ZC3H6: variants seen among roughly 807,000 people sequenced by gnomAD.
The protein encoded by ZC3H6 is zinc finger CCCH domain-containing protein 6.
A neutral mutation model predicts 107.7 loss-of-function variants in ZC3H6; 40 were observed. The ratio of observed to expected loss-of-function variants is 0.37; its 90% CI spans 0.29 to 0.48. ZC3H6 has a LOEUF of 0.48. Ranked by LOEUF, ZC3H6 falls within the 20% of genes least tolerant of loss-of-function variation. The pLI, the probability that ZC3H6 is intolerant of heterozygous loss-of-function variation, is 0.98. For missense variants in ZC3H6, 1,267 were observed against 1,410.4 expected (o/e 0.90, Z 1.63); for synonymous variants, 493 against 487.9 (o/e 1.01, Z -0.14).
At chr2:112,316,441 T>G in intron 5 of ZC3H6, 29 bp from the exon 6 acceptor site, 1 of 1,353,128 alleles carries the variant, frequency 7.4e-7, no homozygotes, top group Non-Finnish European at 1.0e-6. Flanking sequence ...TTTCATATGC[T>G]GCATTCAAAT....
At chr2:112,326,228 T>C (rs1020251637) in intron 11 of ZC3H6, among the ~76,000 whole-genome samples, 3 of 152,060 alleles carry the variant, frequency 2.0e-5, no homozygotes, top group African/African-American at 7.2e-5. Flanking sequence ...AGGTATACTC[T>C]TTTAGTTTTT....
chr2:112,294,416 C>G (rs540227911), intron 1 of ZC3H6, among the ~76,000 whole-genome samples: 4 of 152,336 alleles, frequency 2.6e-5, no homozygotes, highest in African/African-American at 9.6e-5. Context: ...TGCTCCTGGA[C>G]TGCAAAGAAA....
At chr2:112,286,244 C>CAGG (rs1364463551) in intron 1 of ZC3H6, 1 of 369,970 alleles carries the variant, frequency 2.7e-6, no homozygotes, top group Non-Finnish European at 5.2e-6. Flanking sequence ...TGCATAGGTC[C>CAGG]AGGGAATCAA....
At chr2:112,322,568 C>G in intron 8 of ZC3H6, 81 bp from the exon 9 acceptor site, 1 of 1,426,098 alleles carries the variant, frequency 7.0e-7, no homozygotes, top group South Asian at 1.4e-5. Flanking sequence ...TATTTTTCTA[C>G]TAACCAAACT....
intron 4 of ZC3H6, among the ~76,000 whole-genome samples, chr2:112,311,341 T>G (rs1474537286): frequency 6.6e-6 from 1 of 152,160 alleles, no homozygotes; most frequent in Admixed American, 6.5e-5. Context: ...TTTACATACT[T>G]TTAAATACCA....
At chr2:112,303,480 A>G (rs1284556813) in intron 3 of ZC3H6, 129 bp downstream of exon 3, 32 of 624,838 alleles carry the variant, frequency 5.1e-5, no homozygotes, top group Non-Finnish European at 8.2e-5. Flanking sequence ...CCACTTATCC[A>G]TTTCTAGAAA....
At position 112,332,649 on chromosome 2, in the gene ZC3H6, G is replaced by T; in HGVS notation, c.*161G>T. The T allele has an allele frequency of 1.8e-6, 1 of 568,486 alleles. No individual in the cohort carries two copies. The highest frequency in any genetic ancestry group is 1.9e-5 in the African/African-American group (1 of 51,926). 35.2% of individuals were successfully genotyped at this position (568,486 alleles called of 1,614,324 possible). ...GAAGTTATAGCCTCTAAAGCCTGTG[G>T]TATTTTATATAATATTTTTATAACT... On this transcript the variant is annotated 3_prime_UTR_variant, in exon 12 of 12. Coordinates refer to ENST00000409871, the MANE Select transcript of ZC3H6 (RefSeq NM_198581.3).
chr2:112,303,313 A>C lies in ZC3H6; in HGVS notation c.298A>C (p.Thr100Pro), dbSNP rs1473424592. 2 of 1,613,296 alleles carry C rather than the reference A, an allele frequency of 1.2e-6. No homozygotes were observed. Among genetic ancestry groups the C allele is most frequent in the African/African-American group, 2.7e-5 (2 of 74,878 alleles). ...EHTESSHKKR[T>P]GFYRDYDIPF... The stretch of plus-strand genomic sequence containing the variant: ...TACAGAAAGTTCCCATAAAAAAAGA[A>C]CTGGTTTCTACAGGGATTATGACAT... Residue 100 changes from threonine (T) to proline (P), a missense_variant, in exon 3 of 12, where the codon ACT becomes CCT. Thr to Pro is a conservative substitution (Grantham distance 38). Coordinates refer to ENST00000409871, the MANE Select transcript of ZC3H6 (RefSeq NM_198581.3).
At chr2:112,286,725 C>G (rs1435865487) in intron 1 of ZC3H6, among the ~76,000 whole-genome samples, 1 of 152,216 alleles carries the variant, frequency 6.6e-6, no homozygotes, top group Non-Finnish European at 1.5e-5. Context: ...AGGCATGACA[C>G]TGTGCCTGGA....
intron 3 of ZC3H6, among the ~76,000 whole-genome samples, chr2:112,306,779 A>C (rs974037461): frequency 6.6e-6 from 1 of 152,140 alleles, no homozygotes; most frequent in Non-Finnish European, 1.5e-5. Context: ...ATAATTGAGG[A>C]TGGGGTTTAC....
At chr2:112,323,722 CT>C (rs915513721) in intron 9 of ZC3H6, among the ~76,000 whole-genome samples, 1 of 152,088 alleles carries the variant, frequency 6.6e-6, no homozygotes, top group African/African-American at 2.4e-5. Flanking sequence ...AACTGAATGT[CT>C]TTTTATATGC....
intron 5 of ZC3H6, among the ~76,000 whole-genome samples, chr2:112,315,834 A>G (rs1428020642): frequency 6.6e-6 from 1 of 152,006 alleles, no homozygotes; most frequent in Non-Finnish European, 1.5e-5. Context: ...CCTGGCCTCA[A>G]ATGATCCCAA....
At position 112,303,220 on chromosome 2, in the gene ZC3H6, T is replaced by A. The variant is rs751500533; in HGVS notation, c.214-9T>A. 1 of 1,595,818 alleles carries A rather than the reference T, an allele frequency of 6.3e-7. No homozygotes were observed. The highest frequency in any genetic ancestry group is 8.5e-7 in the Non-Finnish European group (1 of 1,173,976). ...AAATGTAACATATTTGTCTTTCCCC[T>A]CCCTTCAGCATAATTCCCCATCTAG... is the stretch of plus-strand genomic sequence containing the variant. On this transcript the variant is annotated splice_polypyrimidine_tract_variant and intron_variant, in intron 2 of 11. Transcript: ENST00000409871.
In ZC3H6 at chr2:112,303,273, T is replaced by C. The variant is rs1219322177; in HGVS notation, c.258T>C (p.Asp86=). The C allele has an allele frequency of 6.2e-7, 1 of 1,613,142 alleles. No individual in the cohort carries two copies. Among genetic ancestry groups the C allele is most frequent in the African/African-American group, 1.3e-5 (1 of 75,020 alleles). ...SSDDSSDYSL[D]SDVEHTESSH... ...ATGATAGTTCGGACTACAGCCTTGATTCAGATGTTGAACATACAGAAAGTT... is the reference window on the plus strand; with the variant it reads ...ATGATAGTTCGGACTACAGCCTTGACTCAGATGTTGAACATACAGAAAGTT... Residue 86 remains aspartate (D), a synonymous_variant, in exon 3 of 12, where the codon GAT becomes GAC. Transcript: ENST00000409871.
chr2:112,324,690 A>G, intron 10 of ZC3H6, 27 bp downstream of exon 10: 1 of 1,522,232 alleles, frequency 6.6e-7, no homozygotes, highest in Non-Finnish European at 8.9e-7. Context: ...GAAATAATTT[A>G]TTCCTAATTT....
intron 7 of ZC3H6, among the ~76,000 whole-genome samples, chr2:112,321,220 G>C (rs924027341): frequency 2.6e-5 from 4 of 151,762 alleles, no homozygotes; most frequent in Admixed American, 1.3e-4. Flanking sequence ...TGGGATATTT[G>C]CCTTTAACAT....
Position 112,275,615 on chromosome 2 carries a change from C to T in ZC3H6, c.-380C>T. On this transcript the variant is annotated 5_prime_UTR_variant, in exon 1 of 12. Coordinates refer to ENST00000409871, the MANE Select transcript of ZC3H6 (RefSeq NM_198581.3). The stretch of plus-strand genomic sequence containing the variant: ...GGCCGGCGCCATTTTCTCGAGCCGC[C>T]TGTTTCGGGTGCCGCCATGTTGGTG... 2 of 401,278 alleles carry T rather than the reference C, an allele frequency of 5.0e-6. No homozygotes were observed. Among genetic ancestry groups the T allele is most frequent in the Non-Finnish European group, 8.8e-6 (2 of 226,852 alleles). 24.9% of individuals were successfully genotyped at this position (401,278 alleles called of 1,614,324 possible).
chr2:112,278,464 C>T (rs1477717431), intron 1 of ZC3H6, among the ~76,000 whole-genome samples: 2 of 152,078 alleles, frequency 1.3e-5, no homozygotes, highest in Non-Finnish European at 2.9e-5. Context: ...ATTACAGGCA[C>T]CCGCCACCAC....
At position 112,332,041 on chromosome 2, in the gene ZC3H6, A is replaced by T. The variant is rs566923648; in HGVS notation, c.3123A>T (p.Ser1041=). ...GCCTTCCACTGGGAACTTCCACTTC[A>T]GTTCTTAGTGGTATTAGTTTGTATG... ...SAGLPLGTST[S]VLSGISLYDP... The change falls in exon 12 of 12, where the codon TCA becomes TCT. Residue 1041 remains serine (S), a synonymous_variant. Transcript: ENST00000409871. The T allele has an allele frequency of 1.9e-6, 3 of 1,614,014 alleles. No homozygotes were observed. The highest frequency in any genetic ancestry group is 2.7e-5 in the African/African-American group (2 of 75,050).
Sources: gnomAD v4.1 joint callset for allele counts (sites outside exome capture counted in the v4.1 genomes callset) on GRCh38, gnomAD v4.1.1 for gene constraint, MANE v1.5 for transcripts, NCBI Gene and HGNC (gene_info 2026-07-23, HGNC 2026-07-21) for gene names.